The following PGRMC2 variants were observed in gnomAD, a reference collection of about 807,000 sequenced individuals.
The protein encoded by PGRMC2 is membrane-associated progesterone receptor component 2.
PGRMC2 carries 9 observed loss-of-function variants against 19.3 expected under a neutral mutation model. That is an observed-to-expected ratio of 0.47 (90% confidence interval 0.28 to 0.81). The LOEUF is 0.81. Ranked by LOEUF, PGRMC2 falls within the 40% of genes least tolerant of loss-of-function variation. The pLI, the probability that PGRMC2 is intolerant of heterozygous loss-of-function variation, is 0.11. For synonymous variants in PGRMC2, 157 were observed against 124.6 expected, an observed-to-expected ratio of 1.26 and a Z score of -1.73; for missense variants, 289 against 297.3, an observed-to-expected ratio of 0.97 and a Z score of 0.21.
At chr4:128,286,090 A>G (rs773200551) in intron 1 of PGRMC2, among the ~76,000 whole-genome samples, 4 of 151,212 alleles carry the variant, frequency 2.6e-5, no homozygotes, top group Non-Finnish European at 5.9e-5. Context: ...TCAGAAGTAT[A>G]TATTTTTAAG....
chr4:128,281,184 G>A (rs538864816), intron 1 of PGRMC2, among the ~76,000 whole-genome samples: 1 of 152,296 alleles, frequency 6.6e-6, no homozygotes, highest in South Asian at 2.1e-4. Flanking sequence ...GTGGAAAACA[G>A]GATGGGGGAG....
intron 1 of PGRMC2, chr4:128,286,852 A>G: frequency 2.6e-6 from 1 of 388,130 alleles, no homozygotes; most frequent in Non-Finnish European, 4.5e-6. Flanking sequence ...GGAGTAATAC[A>G]GCGAGGGAAA....
intron 2 of PGRMC2, 93 bp from the exon 3 acceptor site, chr4:128,271,506 T>C (rs1310453352): frequency 3.3e-5 from 20 of 613,200 alleles, no homozygotes; most frequent in Non-Finnish European, 1.4e-5. Context: ...TTTAGAATCA[T>C]ATAAAATATG....
chr4:128,278,151 A>C (rs1760839840), intron 1 of PGRMC2, among the ~76,000 whole-genome samples: 1 of 152,232 alleles, frequency 6.6e-6, no homozygotes, highest in Non-Finnish European at 1.5e-5. Flanking sequence ...GCCTGAGTTT[A>C]TGCAACCCAT....
In PGRMC2 at chr4:128,271,326, T is replaced by A; in HGVS notation, c.662A>T (p.Lys221Ile). 6.3e-7 allele frequency: 1 copy of A among 1,586,194 alleles called. No homozygotes were observed. The highest frequency in any genetic ancestry group is 8.7e-7 in the Non-Finnish European group (1 of 1,155,382). Residue 221 changes from lysine (K) to isoleucine (I), a missense_variant, in exon 3 of 3, where the codon AAA becomes ATA. Transcript: ENST00000296425. ...TDEEDTKDHN[K>I]QD Reference sequence around the variant, plus strand: ...GGTTGTTTACAAAGTTCAATCCTGTTTATTGTGATCCTTGGTATCTTCTTC... The same window carrying A: ...GGTTGTTTACAAAGTTCAATCCTGTATATTGTGATCCTTGGTATCTTCTTC...
At chr4:128,273,996 T>A (rs1392526671) in intron 1 of PGRMC2, among the ~76,000 whole-genome samples, 1 of 152,238 alleles carries the variant, frequency 6.6e-6, no homozygotes, top group Non-Finnish European at 1.5e-5. Flanking sequence ...TATTGCATTT[T>A]CCATATTGCT....
chr4:128,276,344 A>AT (rs200409727), intron 1 of PGRMC2, among the ~76,000 whole-genome samples: 27,966 of 151,480 alleles, frequency 0.18, 2,893 homozygotes, highest in Admixed American at 0.28. Context: ...TTGTATTAGT[A>AT]TTTTTTTTTG....
rs1338733697 is a variant in PGRMC2 at position 128,272,305 on chromosome 4, T to C, written c.574+57A>G. The C allele has an allele frequency of 4.8e-6, 5 of 1,046,628 alleles. No individual in the cohort carries two copies. In the African/African-American group the frequency reaches 5.0e-5, roughly 10 times the overall value. The allele number at this position is 1,046,628 out of a possible 1,614,324, so 64.8% of individuals were successfully genotyped here. A position where few individuals can be genotyped will look rare whatever the true frequency, so the allele number is the denominator to read the frequency against. On this transcript the variant is annotated intron_variant, in intron 2 of 2. Coordinates refer to ENST00000296425, the MANE Select transcript of PGRMC2 (RefSeq NM_006320.6). ...GGCTCTTAAAGCATGTAAAATAGTA[T>C]ATATTTTCTTTGAACAAATATTTAA...
At position 128,270,075 on chromosome 4, in the gene PGRMC2, A is replaced by C. The variant is rs1760703417; in HGVS notation, c.*1241T>G. ...TTTCCTTATCTTGAATCAAATGCAC[A>C]ATCTTACAACTGTATCATAATGCAC... On this transcript the variant is annotated 3_prime_UTR_variant, in exon 3 of 3. Transcript: ENST00000296425. The C allele has an allele frequency of 6.5e-6, 1 of 152,678 alleles. No homozygotes were observed. Among genetic ancestry groups the C allele is most frequent in the South Asian group, 2.1e-4 (1 of 4,836 alleles). 9.5% of individuals were successfully genotyped at this position (152,678 alleles called of 1,614,324 possible). A position where few individuals can be genotyped will look rare whatever the true frequency, so the allele number is the denominator to read the frequency against.
At chr4:128,279,051 A>C (rs1760861819) in intron 1 of PGRMC2, among the ~76,000 whole-genome samples, 1 of 152,090 alleles carries the variant, frequency 6.6e-6, no homozygotes, top group South Asian at 2.1e-4. Context: ...TCTACTAAAA[A>C]TACAAAATTA....
chr4:128,281,939 C>T (rs1271832983), intron 1 of PGRMC2, among the ~76,000 whole-genome samples: 1 of 152,132 alleles, frequency 6.6e-6, no homozygotes, highest in Non-Finnish European at 1.5e-5. Flanking sequence ...GCTTAAATGT[C>T]GAGCCCTTTT....
At chr4:128,273,200 C>G (rs962415998) in intron 1 of PGRMC2, 1 of 152,118 alleles carries the variant, frequency 6.6e-6, no homozygotes, top group Non-Finnish European at 1.5e-5. Flanking sequence ...AAAATAATAG[C>G]TCTTACTTGT....
At chr4:128,272,660 A>G in intron 1 of PGRMC2, 143 bp from the exon 2 acceptor site, 2 of 447,934 alleles carry the variant, frequency 4.5e-6, no homozygotes, top group Non-Finnish European at 7.5e-6. Context: ...TTAATTTCAA[A>G]ACATGTACAG....
intron 1 of PGRMC2, among the ~76,000 whole-genome samples, chr4:128,281,480 G>GAGAAAATGGA (rs1430054210): frequency 1.3e-5 from 2 of 151,994 alleles, no homozygotes; most frequent in East Asian, 3.9e-4. Flanking sequence ...CAGTAGAGGA[G>GAGAAAATGGA]AGAAAATGGA....
At chr4:128,280,558 G>C (rs1476027562) in intron 1 of PGRMC2, among the ~76,000 whole-genome samples, 6 of 151,994 alleles carry the variant, frequency 3.9e-5, no homozygotes, top group Non-Finnish European at 8.8e-5. Context: ...TCACCAACAA[G>C]TGGAAGACAG....
intron 1 of PGRMC2, 173 bp downstream of exon 1, chr4:128,287,200 G>C: frequency 1.6e-6 from 1 of 606,140 alleles, no homozygotes. Flanking sequence ...GCTGCGGGGG[G>C]ACGGTGTGTG....
intron 1 of PGRMC2, among the ~76,000 whole-genome samples, chr4:128,277,850 T>C (rs989319664): frequency 1.3e-5 from 2 of 152,180 alleles, no homozygotes; most frequent in Admixed American, 6.5e-5. Flanking sequence ...GAGGATCCAC[T>C]CACAATCAAC....
chr4:128,287,508 G>C lies in PGRMC2; in HGVS notation c.283C>G (p.Leu95Val), dbSNP rs1481845179. 3 of 1,610,734 alleles carry C rather than the reference G, an allele frequency of 1.9e-6. No homozygotes were observed. The South Asian group carries it at 3.3e-5, about 18-fold the overall frequency. ...AAGTCCCGCTTCTTCATGCGAGGCA[G>C]AGAGGTGGCGGGGCTCTCCTCGCCC... Reference protein sequence around the residue: ...GAGEESPATSLPRMKKRDFSL... With the variant: ...GAGEESPATSVPRMKKRDFSL... The change falls in exon 1 of 3, where the codon CTG becomes GTG. Residue 95 changes from leucine (L) to valine (V), a missense_variant. Transcript: ENST00000296425.
chr4:128,287,455 G>T lies in PGRMC2; in HGVS notation c.336C>A (p.Asp112Glu). ...GCAGGATGCGCGGGTTGCGGGAGCC[G>T]TCGTACTGGCGCAGCTGCTCCAAGC... The part of the protein sequence containing the change: ...DFSLEQLRQY[D>E]GSRNPRILLA... The change falls in exon 1 of 3, where the codon GAC (aspartate) becomes GAA (glutamate). Residue 112 changes from aspartate to glutamate, a missense_variant. By Grantham distance (45) the Asp-to-Glu change is conservative (BLOSUM62 2). Transcript: ENST00000296425. 2.5e-6 allele frequency: 4 copies of T among 1,613,500 alleles called. No homozygotes were observed. The highest frequency in any genetic ancestry group is 3.4e-6 in the Non-Finnish European group (4 of 1,179,584).
Sources: allele counts gnomAD v4.1 joint callset (sites outside exome capture counted in the v4.1 genomes callset), GRCh38; gene constraint gnomAD v4.1.1; transcripts MANE v1.5; gene names NCBI Gene and HGNC (gene_info 2026-07-23, HGNC 2026-07-21).